ARHGEF12: variants seen among roughly 807,000 people sequenced by gnomAD.
ARHGEF12 encodes KMT2A/ARHGEF12 fusion protein.
A neutral mutation model predicts 211.2 loss-of-function variants in ARHGEF12; 66 were observed. The observed-to-expected ratio is 0.31, with a 90% CI of 0.26 to 0.38. ARHGEF12 has a LOEUF of 0.38. Among genes scored for constraint, ARHGEF12 ranks in the 10% least tolerant of loss-of-function variants. The probability of loss-of-function intolerance (pLI) is 1.00; values close to 1 mark genes in which losing one functional copy is unlikely to be tolerated. For missense variants in ARHGEF12, 1,429 were observed against 1,869.5 expected, an observed-to-expected ratio of 0.76 and a Z score of 4.34; for synonymous variants, 592 against 638.4, an observed-to-expected ratio of 0.93 and a Z score of 1.09.
chr11:120,442,592 CTT>C (rs1945911840), intron 15 of ARHGEF12, among the ~76,000 whole-genome samples: 1 of 151,940 alleles, frequency 6.6e-6, no homozygotes, highest in Non-Finnish European at 1.5e-5. Context: ...TGGGTGGCCT[CTT>C]TGAAGTTTGG....
intron 13 of ARHGEF12, among the ~76,000 whole-genome samples, chr11:120,440,732 T>G (rs1344697763): frequency 6.6e-6 from 1 of 152,164 alleles, no homozygotes; most frequent in East Asian, 1.9e-4. Context: ...ACTTCCACTA[T>G]GAGGTTGAAT....
In ARHGEF12 at chr11:120,458,707, C is replaced by A. The variant is rs138355715; in HGVS notation, c.2381-467C>A. Reference sequence around the variant, plus strand: ...CATGGGTGCTGTACCCTTTACTATCCTTAGCATGTGATATGAATAAATATC... The same window carrying A: ...CATGGGTGCTGTACCCTTTACTATCATTAGCATGTGATATGAATAAATATC... On this transcript the variant is annotated intron_variant, in intron 25 of 40. Coordinates refer to ENST00000397843, the MANE Select transcript of ARHGEF12 (RefSeq NM_015313.3). 2.4e-5 allele frequency: 4 copies of A among 164,410 alleles called. No individual in the cohort carries two copies. In the East Asian group the frequency reaches 7.4e-4, roughly 31 times the overall value. The allele number at this position is 164,410 out of a possible 1,614,324, so 10.2% of individuals were successfully genotyped here. A position where few individuals can be genotyped will look rare whatever the true frequency, so the allele number is the denominator to read the frequency against.
intron 1 of ARHGEF12, among the ~76,000 whole-genome samples, chr11:120,391,795 C>G (rs1292917034): frequency 6.6e-6 from 1 of 152,180 alleles, no homozygotes; most frequent in Admixed American, 6.5e-5. Flanking sequence ...TTATTTTTCT[C>G]TTTTTTCTAA....
Position 120,487,631 on chromosome 11 carries a change from A to G in ARHGEF12, c.*2554A>G. On this transcript the variant is annotated 3_prime_UTR_variant, in exon 41 of 41. Transcript: ENST00000397843. ...CTAAGTGACGTGACTAGAAGTTGAA[A>G]TCTACTTCCCTGCTAAAGGGCACAG... is the stretch of plus-strand genomic sequence containing the variant. The G allele has an allele frequency of 9.3e-6, 2 of 215,274 alleles. No individual in the cohort carries two copies. Among genetic ancestry groups the G allele is most frequent in the Non-Finnish European group, 1.9e-5 (2 of 106,762 alleles). 13.3% of individuals were successfully genotyped at this position (215,274 alleles called of 1,614,324 possible). A position where few individuals can be genotyped will look rare whatever the true frequency, so the allele number is the denominator to read the frequency against.
chr11:120,354,746 A>G (rs1398175101), intron 1 of ARHGEF12, among the ~76,000 whole-genome samples: 1 of 152,196 alleles, frequency 6.6e-6, no homozygotes, highest in African/African-American at 2.4e-5. Context: ...TGAGTAAAGT[A>G]TTGTTTCTAG....
chr11:120,463,153 T>C (rs1348611647), intron 27 of ARHGEF12: 1 of 152,252 alleles, frequency 6.6e-6, no homozygotes, highest in African/African-American at 2.4e-5. Flanking sequence ...CAACTTAAGA[T>C]ATTTTCAATT....
intron 1 of ARHGEF12, among the ~76,000 whole-genome samples, chr11:120,383,181 T>A (rs560883659): frequency 1.1e-4 from 17 of 151,242 alleles, no homozygotes; most frequent in African/African-American, 4.1e-4. Flanking sequence ...GAGCCAGGTG[T>A]TGGTGAAGGC....
At chr11:120,337,416 T>G in intron 1 of ARHGEF12, 141 bp downstream of exon 1, 2 of 1,491,596 alleles carry the variant, frequency 1.3e-6, no homozygotes, top group Non-Finnish European at 1.8e-6. Context: ...GCAGTTAGCC[T>G]GGGGTTGCTG....
At chr11:120,439,262 A>G (rs1342628706) in intron 12 of ARHGEF12, 1 of 152,224 alleles carries the variant, frequency 6.6e-6, no homozygotes. Flanking sequence ...ACTATCTGAC[A>G]ATCTACAATT....
chr11:120,402,625 A>G (rs1318962610), intron 1 of ARHGEF12, among the ~76,000 whole-genome samples: 1 of 152,162 alleles, frequency 6.6e-6, no homozygotes, highest in East Asian at 1.9e-4. Context: ...TACAGTCTCA[A>G]ATGCTCCTTT....
At chr11:120,454,847 A>G (rs1215370507) in intron 22 of ARHGEF12, among the ~76,000 whole-genome samples, 1 of 152,176 alleles carries the variant, frequency 6.6e-6, no homozygotes, top group Admixed American at 6.5e-5. Context: ...GCGAAAAGGA[A>G]GCCCCAATGT....
chr11:120,354,923 G>T (rs1250042590), intron 1 of ARHGEF12, among the ~76,000 whole-genome samples: 10 of 152,194 alleles, frequency 6.6e-5, no homozygotes, highest in Non-Finnish European at 2.9e-5. Flanking sequence ...CTGGGAAGCT[G>T]CTTTTTCCCA....
At chr11:120,481,236 A>G (rs1361960988) in intron 38 of ARHGEF12, 24 bp from the exon 39 acceptor site, 1 of 1,605,066 alleles carries the variant, frequency 6.2e-7, no homozygotes, top group South Asian at 1.1e-5. Flanking sequence ...TGGTCTTATC[A>G]AACTATTCTG....
intron 1 of ARHGEF12, among the ~76,000 whole-genome samples, chr11:120,348,075 T>C (rs1942821711): frequency 6.6e-6 from 1 of 152,198 alleles, no homozygotes; most frequent in African/African-American, 2.4e-5. Flanking sequence ...TTAGCTTTAG[T>C]TTTTTCTAAT....
At chr11:120,383,502 C>T (rs558492566) in intron 1 of ARHGEF12, among the ~76,000 whole-genome samples, 1 of 152,198 alleles carries the variant, frequency 6.6e-6, no homozygotes, top group African/African-American at 2.4e-5. Flanking sequence ...TTTCTTGCAA[C>T]TTGACGGTCC....
chr11:120,368,163 G>A (rs1943482163), intron 1 of ARHGEF12, among the ~76,000 whole-genome samples: 1 of 151,496 alleles, frequency 6.6e-6, no homozygotes, highest in Non-Finnish European at 1.5e-5. Context: ...CTGCAGCCTG[G>A]ACCTCCTGGG....
In ARHGEF12 at chr11:120,481,515, A is replaced by T. The variant is rs752101632; in HGVS notation, c.4493A>T (p.Asp1498Val). 2.5e-6 allele frequency: 4 copies of T among 1,614,220 alleles called. No individual in the cohort carries two copies. The highest frequency in any genetic ancestry group is 1.7e-5 in the Admixed American group (1 of 60,026). The change falls in exon 39 of 41, where the codon GAT (aspartate) becomes GTT (valine). Residue 1498 changes from aspartate (D) to valine (V), a missense_variant. Physicochemically the swap from Asp to Val is radical, Grantham distance 152 (BLOSUM62 -3). This residue lies in a region of ARHGEF12 where 467 missense variants were observed against 468.4 expected (regional missense o/e 1.00). Transcript: ENST00000397843. ...FEIQSPSSCA[D>V]SQSQIMEYIH... ...ATCCAGAGTCCCTCCTCTTGTGCAG[A>T]TTCACAGAGCCAGATCATGGAGTAC... is the stretch of plus-strand genomic sequence containing the variant.
chr11:120,457,849 C>G (rs1363974141), intron 24 of ARHGEF12, 93 bp downstream of exon 24: 4 of 1,352,230 alleles, frequency 3.0e-6, no homozygotes, highest in Non-Finnish European at 4.1e-6. Flanking sequence ...AAAAGAAACC[C>G]TGTATACCAA....
chr11:120,347,145 TTCCTTCCTTCCTTCCTTCC>T (rs1430277144), intron 1 of ARHGEF12, among the ~76,000 whole-genome samples: 2 of 93,102 alleles, frequency 2.1e-5, no homozygotes, highest in African/African-American at 8.3e-5. Flanking sequence ...CCTTCCTTCC[TTCCTTCCTTCCTTCCTTCC>T]TTCCTTCCTT....
Sources: gnomAD v4.1 joint callset for allele counts (sites outside exome capture counted in the v4.1 genomes callset) on GRCh38, gnomAD v4.1.1 for gene constraint, gnomAD v4.1.1 regional missense constraint, MANE v1.5 for transcripts, NCBI Gene and HGNC (gene_info 2026-07-23, HGNC 2026-07-21) for gene names.